Variants in RIN3 observed in about 807,000 individuals in gnomAD.
The protein encoded by RIN3 is RAB5 interacting protein 3.
A neutral mutation model predicts 76.3 loss-of-function variants in RIN3; 54 were observed. The observed-to-expected ratio is 0.71, with a 90% CI of 0.57 to 0.89. The LOEUF (loss-of-function observed/expected upper bound fraction) is 0.89, where lower values mean the gene tolerates loss of function less well. Ranked by LOEUF, RIN3 falls within the 40% of genes least tolerant of loss-of-function variation. RIN3 has a pLI of 0.00. For missense variants in RIN3, 1,256 were observed against 1,322.1 expected (o/e 0.95, Z 0.78); for synonymous variants, 576 against 564.0 (o/e 1.02, Z -0.30).
intron 1 of RIN3, among the ~76,000 whole-genome samples, chr14:92,526,384 G>T (rs925414759): frequency 7.7e-4 from 117 of 152,066 alleles, no homozygotes; most frequent in African/African-American, 2.8e-3. Context: ...AGTTGAGCTC[G>T]GGAGGCAGAG....
intron 7 of RIN3, among the ~76,000 whole-genome samples, chr14:92,675,976 G>A (rs967289801): frequency 6.6e-6 from 1 of 152,106 alleles, no homozygotes; most frequent in Non-Finnish European, 1.5e-5. Context: ...TTAGGAAAGG[G>A]CACTGTTTAC....
chr14:92,537,626 C>T (rs565162788), intron 1 of RIN3, among the ~76,000 whole-genome samples: 11 of 125,732 alleles, frequency 8.7e-5, no homozygotes, highest in African/African-American at 2.9e-4. Flanking sequence ...AAGTGAGTGC[C>T]TTAGGGACTT....
rs868111052 is a variant in RIN3, at chr14:92,615,445, A to C, written c.406A>C (p.Ile136Leu). ...LEGSALVFED[I>L]FRLIAFYCVS... ...AGGCTCGGCTCTTGTGTTTGAGGAC[A>C]TCTTCAGATTGATTGCGTTCTACTG... Residue 136 changes from isoleucine to leucine, a missense_variant, in exon 4 of 10, where the codon ATC becomes CTC. Transcript: ENST00000216487. 3 of 1,613,986 alleles carry C rather than the reference A, an allele frequency of 1.9e-6. No individual in the cohort carries two copies. In the African/African-American group the frequency reaches 4.0e-5, roughly 22 times the overall value.
chr14:92,630,717 C>A (rs1566876569), intron 4 of RIN3, among the ~76,000 whole-genome samples: 2 of 152,222 alleles, frequency 1.3e-5, no homozygotes, highest in African/African-American at 4.8e-5. Flanking sequence ...CTTAAGGAGG[C>A]CACAGGGCAC....
chr14:92,533,991 A>G (rs934283005), intron 1 of RIN3, among the ~76,000 whole-genome samples: 7 of 152,320 alleles, frequency 4.6e-5, no homozygotes, highest in East Asian at 1.9e-4. Flanking sequence ...ACAAAATTCT[A>G]TTGGATAGCA....
intron 3 of RIN3, among the ~76,000 whole-genome samples, chr14:92,598,009 A>T (rs532246945): frequency 3.2e-4 from 48 of 152,308 alleles, no homozygotes; most frequent in Non-Finnish European, 5.9e-4. Context: ...CAATTCTCCC[A>T]TCAAGATTCT....
intron 1 of RIN3, among the ~76,000 whole-genome samples, chr14:92,552,309 C>A (rs1386364139): frequency 6.6e-6 from 1 of 152,142 alleles, no homozygotes; most frequent in Non-Finnish European, 1.5e-5. Context: ...GTGGGGCTGC[C>A]GGGCTGGGAA....
chr14:92,602,426 C>T (rs760314567), intron 3 of RIN3, among the ~76,000 whole-genome samples: 3 of 152,164 alleles, frequency 2.0e-5, no homozygotes, highest in Non-Finnish European at 4.4e-5. Flanking sequence ...CTTCCTCCAG[C>T]CTGCACCTCC....
intron 6 of RIN3, among the ~76,000 whole-genome samples, chr14:92,657,286 G>A (rs1050885565): frequency 1.3e-5 from 2 of 151,952 alleles, no homozygotes; most frequent in East Asian, 1.9e-4. Context: ...CTTGAAACCC[G>A]GGAAGTGGAG....
At chr14:92,582,916 C>T (rs1002983061) in intron 3 of RIN3, among the ~76,000 whole-genome samples, 1 of 152,204 alleles carries the variant, frequency 6.6e-6, no homozygotes, top group African/African-American at 2.4e-5. Context: ...TGATGCCCTC[C>T]TCCTTGACAC....
chr14:92,539,244 G>A (rs916228002), intron 1 of RIN3, among the ~76,000 whole-genome samples: 4 of 152,166 alleles, frequency 2.6e-5, no homozygotes, highest in African/African-American at 9.7e-5. Context: ...GTTAAGCCCA[G>A]AGTGGGGTCT....
rs73330145 is a variant in RIN3 at position 92,624,571 on chromosome 14, A to G, written c.440+9092A>G. Among the ~76,000 whole-genome samples the G allele has an allele frequency of 9.7e-3, 1,473 of 152,318 alleles. 23 individuals carry two copies. Among genetic ancestry groups the G allele is most frequent in the African/African-American group, 0.033 (1,351 of 41,556 alleles). ...CCCAAGTATGACAAAACGGAAAGCT[A>G]AACAAGGTAGAAGCATCTGCTTCGG... On this transcript the variant is annotated intron_variant, in intron 4 of 9. Transcript: ENST00000216487.
At chr14:92,579,780 G>A (rs1898377065) in intron 3 of RIN3, among the ~76,000 whole-genome samples, 1 of 152,278 alleles carries the variant, frequency 6.6e-6, no homozygotes, top group East Asian at 1.9e-4. Flanking sequence ...TGGTTGGAGG[G>A]TGGGGACACA....
At chr14:92,684,336 C>T (rs568102369) in intron 8 of RIN3, among the ~76,000 whole-genome samples, 43 of 149,636 alleles carry the variant, frequency 2.9e-4, no homozygotes, top group African/African-American at 1.0e-3. Flanking sequence ...GCCGAGATCA[C>T]GCCACTGCAC....
At position 92,676,530 on chromosome 14, in the gene RIN3, C is replaced by T; in HGVS notation, c.2391C>T (p.Arg797=). The change falls in exon 8 of 10, where the codon CGC becomes CGT. Residue 797 remains arginine, a synonymous_variant. Coordinates refer to ENST00000216487, the MANE Select transcript of RIN3 (RefSeq NM_024832.5). ...FLPVLMYVLA[R]SNLTEMLLNV... ...CTGTGCTCATGTATGTGCTGGCCCG[C>T]AGCAACCTCACGGAGATGCTTCTCA... is the stretch of plus-strand genomic sequence containing the variant. The T allele has an allele frequency of 6.2e-7, 1 of 1,614,144 alleles. No homozygotes were observed. Among genetic ancestry groups the T allele is most frequent in the Non-Finnish European group, 8.5e-7 (1 of 1,180,018 alleles).
chr14:92,576,822 TTAAG>T (rs1448665459), intron 2 of RIN3, among the ~76,000 whole-genome samples: 1 of 152,224 alleles, frequency 6.6e-6, no homozygotes, highest in Non-Finnish European at 1.5e-5. Flanking sequence ...GAGCTCTATA[TTAAG>T]TATTAGCTAT....
rs116031770 is a variant in RIN3 at position 92,643,905 on chromosome 14, G to A, written c.532+2576G>A. Among the ~76,000 whole-genome samples, 1,168 of 152,034 alleles carry A rather than the reference G, an allele frequency of 7.7e-3. 14 individuals carry two copies. The highest frequency in any genetic ancestry group is 0.027 in the African/African-American group (1,128 of 41,430). On this transcript the variant is annotated intron_variant, in intron 5 of 9. Transcript: ENST00000216487. The surrounding 1 kb of genome is among the most constrained non-coding windows in gnomAD (Gnocchi z 4.8). ...ATTGCCCCACTGCACTCCAGCGTGG[G>A]CAACAGACTGAGACTCTGCCTCAAA...
chr14:92,676,381 A>G (rs1011192882), intron 7 of RIN3, 94 bp from the exon 8 acceptor site: 1 of 1,430,710 alleles, frequency 7.0e-7, no homozygotes, highest in African/African-American at 1.4e-5. Flanking sequence ...ATCGCCATCC[A>G]CACTCAGCAA....
chr14:92,588,155 G>C (rs866036488), intron 3 of RIN3, among the ~76,000 whole-genome samples: 2 of 144,056 alleles, frequency 1.4e-5, no homozygotes, highest in Non-Finnish European at 3.0e-5. Flanking sequence ...ATACCATCAT[G>C]TTGGCCATTA....
Sources: allele counts gnomAD v4.1 joint callset (sites outside exome capture counted in the v4.1 genomes callset), GRCh38; gene constraint gnomAD v4.1.1; non-coding constraint Gnocchi (gnomAD v3.1); transcripts MANE v1.5; gene names NCBI Gene and HGNC (gene_info 2026-07-23, HGNC 2026-07-21).